The following TMLHE variants were observed in gnomAD, a reference collection of about 807,000 sequenced individuals.
The protein encoded by TMLHE is trimethyllysine dioxygenase, mitochondrial.
Under a neutral mutation model 25.7 loss-of-function variants are expected in TMLHE, and 18 were observed. The observed-to-expected ratio is 0.70, with a 90% CI of 0.48 to 1.04. The LOEUF is 1.04. TMLHE is among the 50% of genes least tolerant of loss of function. The pLI is 0.00. For synonymous variants in TMLHE, 105 were observed against 97.0 expected, an observed-to-expected ratio of 1.08 and a Z score of -0.49; for missense variants, 236 against 259.0, an observed-to-expected ratio of 0.91 and a Z score of 0.61.
chrX:155,547,149 CT>C lies in TMLHE; in HGVS notation c.-1-1873del, dbSNP rs1162368789. 4.3e-3 allele frequency among the ~76,000 whole-genome samples: 441 copies of C among 103,326 alleles called. 3 individuals carry two copies. The highest frequency in any genetic ancestry group is 0.013 in the African/African-American group (365 of 28,514). 89.7% of individuals were successfully genotyped at this position (103,326 alleles called of 115,157 possible). ...ACAAAATAAATATTACTAATAGGTA[CT>C]TTTTTTTTTTTTGAGACGGAGTCTT... On this transcript the variant is annotated intron_variant, in intron 1 of 7. Coordinates refer to ENST00000334398, the MANE Select transcript of TMLHE (RefSeq NM_018196.4).
chrX:155,518,669 A>G (rs1348243317), intron 3 of TMLHE, among the ~76,000 whole-genome samples: 2 of 85,603 alleles, frequency 2.3e-5, no homozygotes, highest in Non-Finnish European at 5.0e-5. Context: ...TTCGGTTGGT[A>G]AGCTATTGAT....
Position 155,561,610 on chromosome X carries a change from G to A in TMLHE, c.-1-16333C>T, listed in dbSNP as rs1246545306. 1.5e-4 allele frequency among the ~76,000 whole-genome samples: 9 copies of A among 61,519 alleles called. 4 individuals carry two copies. The highest frequency in any genetic ancestry group is 4.1e-4 in the Non-Finnish European group (9 of 21,990). The allele number at this position is 61,519 out of a possible 115,157, so 53.4% of individuals were successfully genotyped here. ...AAAAGTCCAAGTCCAAAGTCTTATC[G>A]GACACAAGGCAAGTTCCTTCTGCTA... On this transcript the variant is annotated intron_variant, in intron 1 of 7. Coordinates refer to ENST00000334398, the MANE Select transcript of TMLHE (RefSeq NM_018196.4).
Position 155,578,226 on chromosome X carries a change from C to T in TMLHE, c.-1-32949G>A, listed in dbSNP as rs1190964861. ...GGCCCCATCCTCCCAGATGGCAGGCCCACAGTGCAGCCACCACTGCCCCCA... is the reference window on the plus strand; with the variant it reads ...GGCCCCATCCTCCCAGATGGCAGGCTCACAGTGCAGCCACCACTGCCCCCA... On this transcript the variant is annotated intron_variant, in intron 1 of 7. Transcript: ENST00000334398. 2.7e-5 allele frequency among the ~76,000 whole-genome samples: 3 copies of T among 111,713 alleles called. No homozygotes were observed. The East Asian group carries it at 8.5e-4, about 32-fold the overall frequency.
intron 1 of TMLHE, among the ~76,000 whole-genome samples, chrX:155,545,581 A>G (rs1188109113): frequency 5.3e-5 from 6 of 112,230 alleles, no homozygotes; most frequent in African/African-American, 1.9e-4. Flanking sequence ...CATCTGCATA[A>G]TGACATTTCT....
chrX:155,547,265 C>T (rs2067354336), intron 1 of TMLHE, among the ~76,000 whole-genome samples: 1 of 90,293 alleles, frequency 1.1e-5, no homozygotes, highest in Non-Finnish European at 2.3e-5. Context: ...CTGCCTCAGC[C>T]TCCCGAGTAG....
intron 1 of TMLHE, among the ~76,000 whole-genome samples, chrX:155,573,926 A>G (rs1338962703): frequency 9.9e-6 from 1 of 100,670 alleles, no homozygotes; most frequent in African/African-American, 3.8e-5. Flanking sequence ...TGGCACATGT[A>G]TACATATGTA....
chrX:155,548,536 C>CCA (rs1309398218), intron 1 of TMLHE, among the ~76,000 whole-genome samples: 5 of 106,946 alleles, frequency 4.7e-5, no homozygotes. Flanking sequence ...CAGTATGAGG[C>CCA]CAGCCTGACT....
At chrX:155,590,051 T>C (rs1440492000) in intron 1 of TMLHE, among the ~76,000 whole-genome samples, 1 of 111,932 alleles carries the variant, frequency 8.9e-6, no homozygotes, top group Non-Finnish European at 1.9e-5. Context: ...AGAACTCCTG[T>C]ACAAAAATAC....
intron 1 of TMLHE, chrX:155,611,592 C>T (rs1315780866): frequency 4.5e-5 from 5 of 111,741 alleles, no homozygotes; most frequent in Non-Finnish European, 9.4e-5. Flanking sequence ...GCACACTAAA[C>T]AAGCCCCCAG....
At chrX:155,599,077 A>T (rs2067741224) in intron 1 of TMLHE, among the ~76,000 whole-genome samples, 1 of 111,489 alleles carries the variant, frequency 9.0e-6, no homozygotes, top group Non-Finnish European at 1.9e-5. Flanking sequence ...GTATAACATA[A>T]AAAGTATGTG....
intron 2 of TMLHE, among the ~76,000 whole-genome samples, chrX:155,533,283 A>G (rs1223860083): frequency 1.8e-5 from 2 of 111,440 alleles, no homozygotes; most frequent in Admixed American, 1.9e-4. Context: ...CTGGGTCTCA[A>G]GCTTATGGAT....
intron 6 of TMLHE, among the ~76,000 whole-genome samples, chrX:155,505,709 A>G (rs1364597462): frequency 9.0e-6 from 1 of 111,068 alleles, no homozygotes; most frequent in Non-Finnish European, 1.9e-5. Flanking sequence ...GATATATTAT[A>G]TATTTGCTTA....
intron 1 of TMLHE, among the ~76,000 whole-genome samples, chrX:155,609,432 G>A (rs1569562310): frequency 2.7e-5 from 3 of 111,227 alleles, no homozygotes; most frequent in African/African-American, 9.8e-5. Flanking sequence ...ACTATCTATT[G>A]GGTACTATGC....
chrX:155,548,454 G>GACCAAGCAGCTTAAGAA (rs2067371978), intron 1 of TMLHE, among the ~76,000 whole-genome samples: 1 of 110,737 alleles, frequency 9.0e-6, no homozygotes, highest in Non-Finnish European at 1.9e-5. Flanking sequence ...ACATCCTACA[G>GACCAAGCAGCTTAAGAA]GCTGGGCACG....
chrX:155,576,460 A>G (rs1453846886), intron 1 of TMLHE, among the ~76,000 whole-genome samples: 1 of 112,111 alleles, frequency 8.9e-6, no homozygotes, highest in Non-Finnish European at 1.9e-5. Flanking sequence ...ATTCAATGCT[A>G]TTCCTATCAA....
chrX:155,548,533 A>ACACAGGAAGGGGAACATCACACTCTGG (rs2067378152), intron 1 of TMLHE, among the ~76,000 whole-genome samples: 1 of 109,209 alleles, frequency 9.2e-6, no homozygotes, highest in Non-Finnish European at 1.9e-5. Context: ...CAGCAGTATG[A>ACACAGGAAGGGGAACATCACACTCTGG]GGCCAGCCTG....
intron 2 of TMLHE, among the ~76,000 whole-genome samples, chrX:155,538,783 T>C (rs1557337879): frequency 8.9e-6 from 1 of 111,864 alleles, no homozygotes; most frequent in African/African-American, 3.2e-5. Flanking sequence ...CTCTTTTTCA[T>C]ACTCAGAGAC....
At chrX:155,536,079 T>C (rs782037771) in intron 2 of TMLHE, among the ~76,000 whole-genome samples, 1 of 111,839 alleles carries the variant, frequency 8.9e-6, no homozygotes, top group Non-Finnish European at 1.9e-5. Context: ...CATTCATAAC[T>C]CTCCAGGTTG....
At chrX:155,549,030 T>C (rs1569562107) in intron 1 of TMLHE, among the ~76,000 whole-genome samples, 1 of 111,230 alleles carries the variant, frequency 9.0e-6, no homozygotes, top group East Asian at 2.8e-4. Flanking sequence ...AGCAGCATTT[T>C]AAAATTTCAA....
Sources: allele counts gnomAD v4.1 joint callset (sites outside exome capture counted in the v4.1 genomes callset), GRCh38; gene constraint gnomAD v4.1.1; transcripts MANE v1.5; gene names NCBI Gene and HGNC (gene_info 2026-07-23, HGNC 2026-07-21).